Variants in CSTPP1 observed in about 807,000 individuals in gnomAD.
CSTPP1 encodes the protein centriolar satellite-associated tubulin polyglutamylase complex regulator 1, also known as UPF0705 protein C11orf49.
chr11:47,161,029 A>G, the CSTPP1 span: 1 of 1,507,058 alleles, frequency 6.6e-7, no homozygotes, highest in Non-Finnish European at 9.2e-7. Context: ...TCGCAGGGTC[A>G]GCAGAACAGG....
chr11:46,943,863 A>T, the CSTPP1 span, among the ~76,000 whole-genome samples: 1 of 149,364 alleles, frequency 6.7e-6, no homozygotes, highest in Non-Finnish European at 1.5e-5. Flanking sequence ...TACTAAAAAT[A>T]AAAAAAAAAT....
the CSTPP1 span, among the ~76,000 whole-genome samples, chr11:46,970,959 A>G: frequency 6.6e-6 from 1 of 152,236 alleles, no homozygotes; most frequent in Non-Finnish European, 1.5e-5. Context: ...ATTTGTTAAT[A>G]TGGAAAGATG....
chr11:47,075,424 G>A, the CSTPP1 span, among the ~76,000 whole-genome samples: 1 of 151,956 alleles, frequency 6.6e-6, no homozygotes, highest in African/African-American at 2.4e-5. Context: ...GAGAAAAGAT[G>A]TAAAGGCACA....
chr11:46,991,889 C>T, the CSTPP1 span, among the ~76,000 whole-genome samples: 6 of 152,072 alleles, frequency 3.9e-5, no homozygotes, highest in African/African-American at 1.4e-4. Context: ...TACAGGCACC[C>T]GCCACCATAC....
the CSTPP1 span, among the ~76,000 whole-genome samples, chr11:47,126,469 A>G: frequency 6.6e-6 from 1 of 152,154 alleles, no homozygotes. Flanking sequence ...GAAAAAATAA[A>G]AATGAAAAAA....
chr11:47,016,751 G>A, the CSTPP1 span, among the ~76,000 whole-genome samples: 28 of 150,688 alleles, frequency 1.9e-4, no homozygotes, highest in African/African-American at 6.1e-4. Flanking sequence ...TAATGGATAT[G>A]TTCATTATCT....
chr11:47,126,909 G>A, the CSTPP1 span, among the ~76,000 whole-genome samples: 1 of 151,492 alleles, frequency 6.6e-6, no homozygotes, highest in Non-Finnish European at 1.5e-5. Context: ...CTCCAGCCTG[G>A]GCAACAGAGC....
At chr11:47,127,587 T>A in the CSTPP1 span, among the ~76,000 whole-genome samples, 1 of 152,168 alleles carries the variant, frequency 6.6e-6, no homozygotes, top group Non-Finnish European at 1.5e-5. Flanking sequence ...CCTGTGTCTG[T>A]GTGCCTTAAA....
chr11:47,042,209 A>T, the CSTPP1 span, among the ~76,000 whole-genome samples: 3 of 152,142 alleles, frequency 2.0e-5, no homozygotes, highest in African/African-American at 7.2e-5. Flanking sequence ...CCAAAAAAAT[A>T]AAAAATAAAA....
the CSTPP1 span, among the ~76,000 whole-genome samples, chr11:47,059,519 T>C: frequency 6.6e-6 from 1 of 152,066 alleles, no homozygotes; most frequent in Non-Finnish European, 1.5e-5. Flanking sequence ...TTGGGATGGA[T>C]CTTGGAGCAG....
the CSTPP1 span, chr11:47,157,668 A>G: frequency 1.4e-6 from 1 of 698,732 alleles, no homozygotes; most frequent in Non-Finnish European, 2.5e-6. Flanking sequence ...TCCTGACCAT[A>G]GTGAAGGCCT....
At chr11:47,071,131 C>A in the CSTPP1 span, among the ~76,000 whole-genome samples, 1 of 152,232 alleles carries the variant, frequency 6.6e-6, no homozygotes, top group East Asian at 1.9e-4. Context: ...TCCTATCATA[C>A]CTTATATTTA....
chr11:46,999,735 G>C, the CSTPP1 span, among the ~76,000 whole-genome samples: 1 of 152,264 alleles, frequency 6.6e-6, no homozygotes, highest in East Asian at 1.9e-4. Flanking sequence ...ACAGTTTCGA[G>C]TTCACATCTT....
the CSTPP1 span, among the ~76,000 whole-genome samples, chr11:47,136,141 C>T: frequency 3.9e-5 from 6 of 152,284 alleles, no homozygotes; most frequent in East Asian, 9.6e-4. Flanking sequence ...CCTAGAAAAG[C>T]ACGATGATTC....
At chr11:47,027,529 G>A in the CSTPP1 span, among the ~76,000 whole-genome samples, 62 of 152,236 alleles carry the variant, frequency 4.1e-4, 3 homozygotes, top group African/African-American at 1.4e-3. Context: ...GTTCTTTATG[G>A]ATTTGGGTAA....
At chr11:46,957,532 T>G in the CSTPP1 span, among the ~76,000 whole-genome samples, 1 of 152,230 alleles carries the variant, frequency 6.6e-6, no homozygotes, top group Non-Finnish European at 1.5e-5. Context: ...TTCTCCCCTA[T>G]CTTTTAGCTT....
the CSTPP1 span, among the ~76,000 whole-genome samples, chr11:47,047,196 T>A: frequency 6.6e-6 from 1 of 152,196 alleles, no homozygotes; most frequent in Non-Finnish European, 1.5e-5. Context: ...CCACCGCACC[T>A]GGCGATTCAA....
chr11:47,052,703 G>A, the CSTPP1 span: 2 of 735,138 alleles, frequency 2.7e-6, no homozygotes, highest in African/African-American at 3.6e-5. Flanking sequence ...CCTCACTTTT[G>A]AGGAGTTGTC....
chr11:46,980,330 G>A, the CSTPP1 span, among the ~76,000 whole-genome samples: 3 of 152,164 alleles, frequency 2.0e-5, no homozygotes, highest in African/African-American at 7.2e-5. Context: ...GTTTGCCTCT[G>A]GCGTGTCTTT....
Sources: allele counts gnomAD v4.1 joint callset (sites outside exome capture counted in the v4.1 genomes callset), GRCh38; gene constraint gnomAD v4.1.1; transcripts MANE v1.5; gene names NCBI Gene and HGNC (gene_info 2026-07-23, HGNC 2026-07-21).